The following OTOP3 variants were observed in gnomAD, a reference collection of about 807,000 sequenced individuals.
OTOP3 encodes proton channel OTOP3.
OTOP3 carries 41 observed loss-of-function variants against 50.8 expected under a neutral mutation model. The observed-to-expected ratio is 0.81, with a 90% CI of 0.63 to 1.05. OTOP3 has a LOEUF of 1.05. OTOP3 is among the 50% of genes least tolerant of loss of function. The probability of loss-of-function intolerance (pLI) is 0.00; values close to 1 mark genes in which losing one functional copy is unlikely to be tolerated. For synonymous variants in OTOP3, 320 were observed against 324.4 expected (o/e 0.99, Z 0.14); for missense variants, 788 against 760.8 (o/e 1.04, Z -0.42).
At chr17:74,936,647 G>A (rs1173959591) in intron 1 of OTOP3, among the ~76,000 whole-genome samples, 1 of 152,212 alleles carries the variant, frequency 6.6e-6, no homozygotes, top group Non-Finnish European at 1.5e-5. Flanking sequence ...TTGGAGGGCT[G>A]GACTTCAGGG....
In OTOP3 at chr17:74,947,145, C is replaced by G. The variant is rs1487281958; in HGVS notation, c.1236C>G (p.Ala412=). Reference sequence around the variant, plus strand: ...CTGCACTGGGCCAGATGGGCATCGCCTATTTCTCCATCGTGGCCATTGTGG... The same window carrying G: ...CTGCACTGGGCCAGATGGGCATCGCGTATTTCTCCATCGTGGCCATTGTGG... The part of the protein sequence containing the change: ...MGAALGQMGI[A]YFSIVAIVAK... Residue 412 remains alanine (A), a synonymous_variant, in exon 6 of 7, where the codon GCC becomes GCG. Coordinates refer to ENST00000328801, the MANE Select transcript of OTOP3 (RefSeq NM_001272005.2). The G allele has an allele frequency of 6.2e-7, 1 of 1,614,108 alleles. No homozygotes were observed. The highest frequency in any genetic ancestry group is 1.3e-5 in the African/African-American group (1 of 75,074).
intron 1 of OTOP3, among the ~76,000 whole-genome samples, chr17:74,938,535 C>A (rs2039140903): frequency 1.3e-5 from 2 of 152,014 alleles, no homozygotes; most frequent in Admixed American, 6.6e-5. Context: ...AGGGTGTGGG[C>A]AAAGACTGGG....
chr17:74,943,251 A>C (rs200314946), intron 3 of OTOP3, 35 bp from the exon 4 acceptor site: 1 of 1,606,622 alleles, frequency 6.2e-7, no homozygotes, highest in Non-Finnish European at 8.5e-7. Context: ...CACCACCTCC[A>C]CCAGCCCCTG....
rs768636712 is a variant in OTOP3 at position 74,936,957 on chromosome 17, C to T, written c.19+1017C>T. On this transcript the variant is annotated intron_variant, in intron 1 of 6. Coordinates refer to ENST00000328801, the MANE Select transcript of OTOP3 (RefSeq NM_001272005.2). The stretch of plus-strand genomic sequence containing the variant: ...CCCTATTCGGCATTCATCACCCCCC[C>T]ACCCTTTTTTTTTTTTTTTTTTTGA... 1.9e-4 allele frequency among the ~76,000 whole-genome samples: 13 copies of T among 67,400 alleles called. No homozygotes were observed. The South Asian group carries it at 6.6e-3, about 34-fold the overall frequency. The allele number at this position is 67,400 out of a possible 152,430, so 44.2% of individuals were successfully genotyped here. A position where few individuals can be genotyped will look rare whatever the true frequency, so the allele number is the denominator to read the frequency against.
At chr17:74,942,466 A>G (rs1295573119) in intron 3 of OTOP3, among the ~76,000 whole-genome samples, 1 of 151,660 alleles carries the variant, frequency 6.6e-6, no homozygotes, top group Non-Finnish European at 1.5e-5. Flanking sequence ...CCCTGTCTCT[A>G]CTGAAAATAC....
intron 1 of OTOP3, among the ~76,000 whole-genome samples, chr17:74,937,172 C>T (rs1276577917): frequency 6.6e-6 from 1 of 152,066 alleles, no homozygotes; most frequent in Non-Finnish European, 1.5e-5. Context: ...GCCATGTTCC[C>T]CAGGCTGGTC....
Position 74,949,648 on chromosome 17 carries a change from C to G in OTOP3, c.*232C>G, listed in dbSNP as rs2039264616. On this transcript the variant is annotated 3_prime_UTR_variant, in exon 7 of 7. Coordinates refer to ENST00000328801, the MANE Select transcript of OTOP3 (RefSeq NM_001272005.2). ...ACGGCCAGGCCTGGGCACATGCCTG[C>G]CCCCTGCCTTCCCACCACGATCCGC... The G allele has an allele frequency of 3.8e-6, 2 of 524,462 alleles. No individual in the cohort carries two copies. The highest frequency in any genetic ancestry group is 3.6e-5 in the Admixed American group (1 of 28,018). The allele number at this position is 524,462 out of a possible 1,614,324, so 32.5% of individuals were successfully genotyped here.
At chr17:74,939,219 T>C (rs1444789872) in intron 1 of OTOP3, among the ~76,000 whole-genome samples, 1 of 151,912 alleles carries the variant, frequency 6.6e-6, no homozygotes, top group Non-Finnish European at 1.5e-5. Context: ...TGAGCTGGAA[T>C]GAACAAGCCT....
chr17:74,936,420 C>G (rs1052600563), intron 1 of OTOP3, among the ~76,000 whole-genome samples: 9 of 152,214 alleles, frequency 5.9e-5, no homozygotes, highest in African/African-American at 2.2e-4. Flanking sequence ...CGGCTTTCAT[C>G]GCCAATCCAG....
At chr17:74,937,302 C>A (rs2039128986) in intron 1 of OTOP3, among the ~76,000 whole-genome samples, 2 of 152,124 alleles carry the variant, frequency 1.3e-5, no homozygotes, top group South Asian at 4.1e-4. Context: ...TACTATGCAC[C>A]AGCTACTATT....
Position 74,946,938 on chromosome 17 carries a change from G to A in OTOP3, c.1029G>A (p.Glu343=). The change falls in exon 6 of 7, where the codon GAG becomes GAA. Residue 343 remains glutamate, a synonymous_variant. Transcript: ENST00000328801. ...GCGTCTTTGTGCTCTTCCAAATCGAGGCCAGTGGCCCTGCCATTGCTTGCC... is the reference window on the plus strand; with the variant it reads ...GCGTCTTTGTGCTCTTCCAAATCGAAGCCAGTGGCCCTGCCATTGCTTGCC... ...GVCVFVLFQI[E]ASGPAIACQY... is the part of the protein sequence containing the mutation. The A allele has an allele frequency of 6.8e-6, 11 of 1,612,994 alleles. No individual in the cohort carries two copies. Among genetic ancestry groups the A allele is most frequent in the Non-Finnish European group, 9.3e-6 (11 of 1,179,954 alleles).
intron 5 of OTOP3, among the ~76,000 whole-genome samples, chr17:74,943,991 T>C (rs2039202694): frequency 6.6e-6 from 1 of 152,172 alleles, no homozygotes; most frequent in Admixed American, 6.5e-5. Flanking sequence ...TGATCCTGGC[T>C]GAGAGAGCCA....
rs1178152327 is a variant in OTOP3, at chr17:74,947,268, C to T, written c.1359C>T (p.Gly453=). The change falls in exon 6 of 7, where the codon GGC becomes GGT. Residue 453 remains glycine, a synonymous_variant. Transcript: ENST00000328801. ...HIAQNLFIIE[G]LHRRPLWETV... is the part of the protein sequence containing the mutation. Reference sequence around the variant, plus strand: ...CTCAGAACCTCTTCATCATCGAGGGCCTGCACCGGCGCCCACTCTGGGAGA... The same window carrying T: ...CTCAGAACCTCTTCATCATCGAGGGTCTGCACCGGCGCCCACTCTGGGAGA... 1 of 1,613,614 alleles carries T rather than the reference C, an allele frequency of 6.2e-7. No individual in the cohort carries two copies. Among genetic ancestry groups the T allele is most frequent in the Non-Finnish European group, 8.5e-7 (1 of 1,179,862 alleles).
chr17:74,943,391 C>T (rs2039195869), intron 4 of OTOP3, 47 bp downstream of exon 4: 8 of 1,589,680 alleles, frequency 5.0e-6, no homozygotes, highest in Non-Finnish European at 6.0e-6. Flanking sequence ...CTGTCCTCCC[C>T]ACCACTTCCC....
At chr17:74,937,908 G>T (rs2039134532) in intron 1 of OTOP3, among the ~76,000 whole-genome samples, 1 of 152,172 alleles carries the variant, frequency 6.6e-6, no homozygotes, top group African/African-American at 2.4e-5. Flanking sequence ...CTTTCCAGGT[G>T]GGTGGGGAGG....
chr17:74,943,994 G>C (rs958702747), intron 5 of OTOP3, among the ~76,000 whole-genome samples: 2 of 152,174 alleles, frequency 1.3e-5, no homozygotes, highest in Non-Finnish European at 2.9e-5. Context: ...TCCTGGCTGA[G>C]AGAGCCACTA....
rs943190199 is a variant in OTOP3, at chr17:74,949,547, G to T, written c.*131G>T. 14 of 1,083,926 alleles carry T rather than the reference G, an allele frequency of 1.3e-5. No individual in the cohort carries two copies. The African/African-American group carries it at 2.1e-4, about 16-fold the overall frequency. The allele number at this position is 1,083,926 out of a possible 1,614,324, so 67.1% of individuals were successfully genotyped here. On this transcript the variant is annotated 3_prime_UTR_variant, in exon 7 of 7. Coordinates refer to ENST00000328801, the MANE Select transcript of OTOP3 (RefSeq NM_001272005.2). ...CTCTCAAGGCCTCCTGCTCCCCAGA[G>T]CCTCACTGAAGGGGAGGGCACTGCC...
At chr17:74,949,069 C>T (rs1466625576) in intron 6 of OTOP3, among the ~76,000 whole-genome samples, 177 bp from the exon 7 acceptor site, 4 of 151,112 alleles carry the variant, frequency 2.6e-5, no homozygotes, top group Admixed American at 6.6e-5. Context: ...TGCAGTAGGG[C>T]GAGAAAGATC....
intron 1 of OTOP3, among the ~76,000 whole-genome samples, chr17:74,937,220 C>A (rs2039128018): frequency 6.6e-6 from 1 of 152,210 alleles, no homozygotes; most frequent in Non-Finnish European, 1.5e-5. Flanking sequence ...TCACCTCAGC[C>A]TCCCAAAGTG....
Sources: gnomAD v4.1 joint callset for allele counts (sites outside exome capture counted in the v4.1 genomes callset) on GRCh38, gnomAD v4.1.1 for gene constraint, MANE v1.5 for transcripts, NCBI Gene and HGNC (gene_info 2026-07-23, HGNC 2026-07-21) for gene names.